The following MGST1 variants were observed in gnomAD, a reference collection of about 807,000 sequenced individuals.
The protein encoded by MGST1 is glutathione S-transferase 12.
MGST1 carries 5 observed loss-of-function variants against 8.9 expected under a neutral mutation model. The observed-to-expected ratio is 0.56, with a 90% CI of 0.29 to 1.19. The LOEUF (loss-of-function observed/expected upper bound fraction) is 1.19, where lower values mean the gene tolerates loss of function less well. MGST1 is among the 50% of genes most tolerant of loss of function. The pLI, the probability that MGST1 is intolerant of heterozygous loss-of-function variation, is 0.08. For synonymous variants in MGST1, 54 were observed against 67.8 expected (o/e 0.80, Z 1.00); for missense variants, 182 against 187.4 (o/e 0.97, Z 0.17).
In MGST1 at chr12:16,363,857, T is replaced by A. The variant is rs9332944; in HGVS notation, c.284T>A (p.Leu95Ter). The A allele has an allele frequency of 3.0e-4, 480 of 1,613,654 alleles. 7 individuals are homozygous for A. The South Asian group carries it at 5.0e-3, about 17-fold the overall frequency. ...CTTGGAATTGGCCTCCTGTATTCCT[T>A]GAGTGGTCCCGACCCCTCTACAGCC... ...PFLGIGLLYS[L>*]SGPDPSTAIL... Residue 95 changes from leucine (L) to a stop codon, truncating the protein, a stop_gained, in exon 4 of 4, where the codon TTG (leucine) becomes TAG (stop). Coordinates refer to ENST00000396210, the MANE Select transcript of MGST1 (RefSeq NM_020300.5). LOFTEE classifies it high-confidence loss of function. This position sits in a 1 kb window ranked among gnomAD's most constrained non-coding sequence, Gnocchi z 4.6.
At chr12:16,358,865 A>C (rs1209497525) in intron 3 of MGST1, among the ~76,000 whole-genome samples, 1 of 125,064 alleles carries the variant, frequency 8.0e-6, no homozygotes, top group African/African-American at 3.1e-5. Flanking sequence ...TCCAATTCAT[A>C]TTGATGGACA....
intron 4 of MGST1, among the ~76,000 whole-genome samples, chr12:16,449,216 CAG>C (rs1318730911): frequency 1.3e-4 from 19 of 151,844 alleles, no homozygotes; most frequent in Non-Finnish European, 2.4e-4. Context: ...GTGAGGGTCT[CAG>C]GGGACTTACA....
At chr12:16,466,724 G>A (rs1941257825) in intron 4 of MGST1, among the ~76,000 whole-genome samples, 1 of 152,104 alleles carries the variant, frequency 6.6e-6, no homozygotes, top group African/African-American at 2.4e-5. Context: ...GAAACCAATA[G>A]CAAAAGTAAG....
At chr12:16,564,530 C>G (rs1302431520) in intron 4 of MGST1, among the ~76,000 whole-genome samples, 1 of 152,168 alleles carries the variant, frequency 6.6e-6, no homozygotes, top group Non-Finnish European at 1.5e-5. Flanking sequence ...CTACAGGCAT[C>G]AGGGGAAAAT....
At chr12:16,496,346 G>A (rs1324223834) in intron 4 of MGST1, among the ~76,000 whole-genome samples, 4 of 152,058 alleles carry the variant, frequency 2.6e-5, no homozygotes, top group African/African-American at 4.8e-5. Context: ...AGCCAGATAG[G>A]TGAATATCCA....
chr12:16,401,255 C>T lies in MGST1; in HGVS notation n.778+17651C>T. Reference sequence around the variant, plus strand: ...GTTTTCTCTTCTGGCTTTTTCCCCTCCTTGTTAGTCAGGTCTGAGAATCCC... The same window carrying T: ...GTTTTCTCTTCTGGCTTTTTCCCCTTCTTGTTAGTCAGGTCTGAGAATCCC... On this transcript the variant is annotated intron_variant and non_coding_transcript_variant, in intron 1 of 1. Coordinates refer to the MGST1 transcript ENST00000359720. This position sits in a 1 kb window ranked among gnomAD's most constrained non-coding sequence, Gnocchi z 4.3. The T allele has an allele frequency of 1.9e-6, 3 of 1,566,088 alleles. No homozygotes were observed. The highest frequency in any genetic ancestry group is 2.6e-6 in the Non-Finnish European group (3 of 1,139,002).
intron 1 of MGST1, among the ~76,000 whole-genome samples, chr12:16,431,959 T>C (rs2137094014): frequency 6.6e-6 from 1 of 152,334 alleles, no homozygotes; most frequent in East Asian, 1.9e-4. Context: ...ATTATTCCTA[T>C]AGCATTTATA....
chr12:16,564,548 C>T lies in MGST1; in HGVS notation n.483-24980C>T, dbSNP rs548087343. ...CAGGCATCAGGGGAAAATGAGTGTT[C>T]ATTGTATTAGTGTCTTTTATTTCAC... On this transcript the variant is annotated intron_variant and non_coding_transcript_variant, in intron 4 of 4. Transcript: ENST00000538857. Among the ~76,000 whole-genome samples, 29 of 152,206 alleles carry T rather than the reference C, an allele frequency of 1.9e-4. No individual in the cohort carries two copies. The South Asian group carries it at 6.0e-3, about 32-fold the overall frequency.
rs910526752 is a variant in MGST1, at chr12:16,538,244, G to A, written n.483-51284G>A. On this transcript the variant is annotated intron_variant and non_coding_transcript_variant, in intron 4 of 4. Coordinates refer to the MGST1 transcript ENST00000538857. The stretch of plus-strand genomic sequence containing the variant: ...GAGTCACCTTTGCTCCAGTTCCCAA[G>A]TTCCTCATCTCCATCTGAGACCACC... Among the ~76,000 whole-genome samples the A allele has an allele frequency of 5.9e-5, 9 of 152,264 alleles. 1 individual carries two copies. The South Asian group carries it at 1.9e-3, about 32-fold the overall frequency.
chr12:16,489,057 C>A (rs1430501348), intron 4 of MGST1, among the ~76,000 whole-genome samples: 1 of 151,998 alleles, frequency 6.6e-6, no homozygotes, highest in Non-Finnish European at 1.5e-5. Context: ...CTGCAGTGAG[C>A]TATTATCGTG....
At chr12:16,592,342 T>A (rs1477263537), downstream of MGST1, among the ~76,000 whole-genome samples, 1 of 152,030 alleles carries the variant, frequency 6.6e-6, no homozygotes, top group Non-Finnish European at 1.5e-5. Flanking sequence ...ATATTTTTCC[T>A]AATAAATGGT....
intron 4 of MGST1, among the ~76,000 whole-genome samples, chr12:16,580,883 A>T (rs574585846): frequency 6.6e-6 from 1 of 152,314 alleles, no homozygotes; most frequent in East Asian, 1.9e-4. Context: ...GACCACTGTT[A>T]ACACCTTATT....
chr12:16,495,352 A>C (rs1941462996), intron 4 of MGST1, among the ~76,000 whole-genome samples: 1 of 152,108 alleles, frequency 6.6e-6, no homozygotes, highest in Non-Finnish European at 1.5e-5. Flanking sequence ...AAAATGAACC[A>C]TTGAGTACTA....
At chr12:16,471,135 G>A (rs1565460719) in intron 4 of MGST1, among the ~76,000 whole-genome samples, 3 of 152,242 alleles carry the variant, frequency 2.0e-5, no homozygotes, top group South Asian at 2.1e-4. Context: ...ATTTATCGCC[G>A]TAATGGAAGA....
chr12:16,407,287 T>TG (rs1940703927), intron 1 of MGST1, among the ~76,000 whole-genome samples: 2 of 152,160 alleles, frequency 1.3e-5, no homozygotes, highest in African/African-American at 4.8e-5. Flanking sequence ...AAGGCATACA[T>TG]GGGGCCAACA....
intron 1 of MGST1, among the ~76,000 whole-genome samples, chr12:16,433,438 G>C (rs985359027): frequency 6.6e-6 from 1 of 152,050 alleles, no homozygotes; most frequent in Non-Finnish European, 1.5e-5. Context: ...AGACCAGCAA[G>C]CTCAAGACAC....
intron 4 of MGST1, among the ~76,000 whole-genome samples, chr12:16,523,711 C>T (rs1408648443): frequency 4.6e-5 from 7 of 151,964 alleles, no homozygotes. Flanking sequence ...TATCTGTAGG[C>T]GTTGTTGTAA....
intron 4 of MGST1, among the ~76,000 whole-genome samples, chr12:16,522,106 T>A (rs900051262): frequency 6.6e-6 from 1 of 152,156 alleles, no homozygotes; most frequent in African/African-American, 2.4e-5. Flanking sequence ...CACAGGAGAT[T>A]GTAATCAGGG....
Position 16,500,699 on chromosome 12 carries a change from T to C in MGST1, n.483-88829T>C, listed in dbSNP as rs1219630177. 1.3e-5 allele frequency among the ~76,000 whole-genome samples: 2 copies of C among 151,716 alleles called. No homozygotes were observed. Among genetic ancestry groups the C allele is most frequent in the African/African-American group, 4.8e-5 (2 of 41,348 alleles). Reference sequence around the variant, plus strand: ...ACACATAGCAGGTGCTCAATAAATATATGTGACTGATTGTGAAAGTCATCA... The same window carrying C: ...ACACATAGCAGGTGCTCAATAAATACATGTGACTGATTGTGAAAGTCATCA... On this transcript the variant is annotated intron_variant and non_coding_transcript_variant, in intron 4 of 4. Transcript: ENST00000538857. The surrounding 1 kb of genome is among the most constrained non-coding windows in gnomAD (Gnocchi z 4.3).
Sources: allele counts gnomAD v4.1 joint callset (sites outside exome capture counted in the v4.1 genomes callset), GRCh38; gene constraint gnomAD v4.1.1; non-coding constraint Gnocchi (gnomAD v3.1); transcripts MANE v1.5; gene names NCBI Gene and HGNC (gene_info 2026-07-23, HGNC 2026-07-21).